The following RGPD1 variants were observed in gnomAD, a reference collection of about 807,000 sequenced individuals.
RGPD1 encodes RANBP2-like and GRIP domain-containing protein 1.
RGPD1 carries 7 observed loss-of-function variants against 40.6 expected under a neutral mutation model. The ratio of observed to expected loss-of-function variants is 0.17; its 90% CI spans 0.10 to 0.32. The LOEUF is 0.32. Ranked by LOEUF, RGPD1 falls within the 10% of genes least tolerant of loss-of-function variation. The pLI is 1.00. For synonymous variants in RGPD1, 24 were observed against 167.0 expected (o/e 0.14, Z 6.60); for missense variants, 50 against 472.5 (o/e 0.11, Z 8.29).
At chr2:87,009,304 CAAA>C (rs1232188789) in intron 22 of RGPD1, among the ~76,000 whole-genome samples, 1 of 1,160 alleles carries the variant, frequency 8.6e-4, no homozygotes, top group East Asian at 0.013. Context: ...GACTCTGTCT[CAAA>C]AAAAAAAAAA....
chr2:86,942,860 G>A (rs1679990580), intron 1 of RGPD1, among the ~76,000 whole-genome samples: 1 of 151,966 alleles, frequency 6.6e-6, no homozygotes, highest in Non-Finnish European at 1.5e-5. Context: ...CGCGGTGGGC[G>A]GGATACCTTT....
chr2:86,914,121 C>A (rs1405653997), intron 1 of RGPD1, among the ~76,000 whole-genome samples: 1 of 87,064 alleles, frequency 1.1e-5, no homozygotes, highest in Non-Finnish European at 2.1e-5. Context: ...GCCTCGGCCC[C>A]GGCCTGGCCG....
chr2:86,996,919 T>C (rs1213551234), intron 21 of RGPD1, among the ~76,000 whole-genome samples: 1 of 80,784 alleles, frequency 1.2e-5, no homozygotes, highest in Non-Finnish European at 2.4e-5. Context: ...TGGCTTAGTT[T>C]CTATCAAAAG....
At chr2:86,942,885 C>T (rs1679994068) in intron 1 of RGPD1, among the ~76,000 whole-genome samples, 1 of 151,960 alleles carries the variant, frequency 6.6e-6, no homozygotes. Flanking sequence ...CCGGATCTTC[C>T]TCTTTCTCCC....
upstream of RGPD1, among the ~76,000 whole-genome samples, chr2:86,942,066 C>G (rs369465280): frequency 0.042 from 6,360 of 150,404 alleles, 183 homozygotes; most frequent in Admixed American, 0.065. Flanking sequence ...GAGTGCAGCT[C>G]GAGCGCCGAC....
At chr2:86,943,683 G>A (rs1680098838) in intron 1 of RGPD1, among the ~76,000 whole-genome samples, 1 of 152,194 alleles carries the variant, frequency 6.6e-6, no homozygotes, top group Non-Finnish European at 1.5e-5. Context: ...AGCACTAAGT[G>A]TTAGCTACAA....
intron 1 of RGPD1, among the ~76,000 whole-genome samples, chr2:86,915,613 G>T: frequency 2.8e-5 from 1 of 35,466 alleles, no homozygotes; most frequent in Non-Finnish European, 5.5e-5. Context: ...ATGCAGCATT[G>T]GGTTTACACT....
intron 1 of RGPD1, chr2:86,930,468 A>C: frequency 6.8e-7 from 1 of 1,463,480 alleles, no homozygotes; most frequent in Non-Finnish European, 9.4e-7. Context: ...ATGATAAGCC[A>C]ACAAGTTGAT....
intron 1 of RGPD1, among the ~76,000 whole-genome samples, chr2:86,915,079 T>A (rs1677728258): frequency 6.7e-6 from 1 of 150,234 alleles, no homozygotes; most frequent in Non-Finnish European, 1.5e-5. Context: ...GTGGATCGCT[T>A]GAGGTCGGTC....
chr2:86,941,982 G>A (rs535739125), upstream of RGPD1, among the ~76,000 whole-genome samples: 8 of 152,080 alleles, frequency 5.3e-5, no homozygotes, highest in South Asian at 6.2e-4. Flanking sequence ...AAAGTGTTGG[G>A]ATTACAGGCG....
At chr2:86,943,596 C>G (rs1558801202) in intron 1 of RGPD1, among the ~76,000 whole-genome samples, 1 of 152,070 alleles carries the variant, frequency 6.6e-6, no homozygotes, top group Admixed American at 6.6e-5. Flanking sequence ...CACTTTTCAT[C>G]CATAGATGGA....
intron 1 of RGPD1, among the ~76,000 whole-genome samples, chr2:86,924,274 G>T (rs1678286839): frequency 1.3e-5 from 2 of 152,008 alleles, no homozygotes; most frequent in African/African-American, 4.8e-5. Context: ...TCATGCCTCA[G>T]CCTCCCCAGT....
At position 86,924,631 on chromosome 2, in the gene RGPD1, A is replaced by G. The variant is rs1274770617; in HGVS notation, c.72+10710A>G. Among the ~76,000 whole-genome samples, 3 of 150,870 alleles carry G rather than the reference A, an allele frequency of 2.0e-5. No individual in the cohort carries two copies. In the East Asian group the frequency reaches 5.9e-4, roughly 30 times the overall value. On this transcript the variant is annotated intron_variant, in intron 1 of 22. Coordinates refer to the RGPD1 transcript ENST00000398193. ...CGGTATGCTCCATCATGCCTGGCTA[A>G]TTTTTAAATTTTTTTGGCAGAGACA...
chr2:86,938,899 A>G (rs1035458484), upstream of RGPD1, among the ~76,000 whole-genome samples: 1 of 131,694 alleles, frequency 7.6e-6, no homozygotes, highest in African/African-American at 2.8e-5. Context: ...TGATGCAGAA[A>G]GATTTGTTTG....
rs1168311298 is a variant in RGPD1, at chr2:86,914,847, GGGCGGCGGCGGCGGCGGC to G, written c.72+948_72+965del. ...CGGCGGCGGCGGCCTCGACCTGGCC[GGGCGGCGGCGGCGGCGGC>G]GGCGGCGGCGGCGGCGGCGGCCTCG... On this transcript the variant is annotated intron_variant, in intron 1 of 22. Coordinates refer to the RGPD1 transcript ENST00000398193. Among the ~76,000 whole-genome samples the G allele has an allele frequency of 4.6e-3, 14 of 3,064 alleles. 1 individual carries two copies. The highest frequency in any genetic ancestry group is 0.015 in the Admixed American group (4 of 274). 2.0% of individuals were successfully genotyped at this position (3,064 alleles called of 152,430 possible).
chr2:86,914,933 G>GGGCGGC (rs560666847), intron 1 of RGPD1, among the ~76,000 whole-genome samples: 1 of 74,656 alleles, frequency 1.3e-5, no homozygotes, highest in East Asian at 2.6e-4. Context: ...CGACCTGGCC[G>GGGCGGC]GGCGGCGGCG....
chr2:86,942,784 C>T (rs902269664), intron 1 of RGPD1, among the ~76,000 whole-genome samples: 4 of 151,764 alleles, frequency 2.6e-5, no homozygotes, highest in East Asian at 1.9e-4. Flanking sequence ...GTTGAGGCGC[C>T]GGCCGGCTGG....
chr2:86,920,204 G>A (rs1678049096), intron 1 of RGPD1, among the ~76,000 whole-genome samples: 1 of 151,798 alleles, frequency 6.6e-6, no homozygotes, highest in African/African-American at 2.4e-5. Context: ...TGAGTAGCTG[G>A]GATTACAGGC....
Position 86,929,689 on chromosome 2 carries a change from CTTTTTTTTTTTTT to C in RGPD1, c.72+15783_72+15795del, listed in dbSNP as rs753911867. Among the ~76,000 whole-genome samples the C allele has an allele frequency of 5.7e-5, 3 of 52,618 alleles. 1 individual carries two copies. Among genetic ancestry groups the C allele is most frequent in the Non-Finnish European group, 1.1e-4 (3 of 26,812 alleles). The allele number at this position is 52,618 out of a possible 152,430, so 34.5% of individuals were successfully genotyped here. On this transcript the variant is annotated intron_variant, in intron 1 of 22. Coordinates refer to the RGPD1 transcript ENST00000398193. Reference sequence around the variant, plus strand: ...GTAACCTGACTCCAGAGCCCACACTCTTTTTTTTTTTTTTTTTTTTTTTTTTTAGCTGGTTCAC... The same window carrying C: ...GTAACCTGACTCCAGAGCCCACACTCTTTTTTTTTTTTTTAGCTGGTTCAC...
Sources: gnomAD v4.1 joint callset for allele counts (sites outside exome capture counted in the v4.1 genomes callset) on GRCh38, gnomAD v4.1.1 for gene constraint, MANE v1.5 for transcripts, NCBI Gene and HGNC (gene_info 2026-07-23, HGNC 2026-07-21) for gene names.